Variants in DSCAM observed in about 807,000 individuals in gnomAD.
DSCAM encodes the protein cell adhesion molecule DSCAM.
DSCAM carries 47 observed loss-of-function variants against 217.7 expected under a neutral mutation model. The observed-to-expected ratio is 0.22, with a 90% CI of 0.17 to 0.28. The LOEUF (loss-of-function observed/expected upper bound fraction) is 0.28, where lower values mean the gene tolerates loss of function less well. Among genes scored for constraint, DSCAM ranks in the 10% least tolerant of loss-of-function variants. The pLI, the probability that DSCAM is intolerant of heterozygous loss-of-function variation, is 1.00. For synonymous variants in DSCAM, 1,056 were observed against 1,015.3 expected (o/e 1.04, Z -0.76); for missense variants, 2,080 against 2,618.3 (o/e 0.79, Z 4.49).
chr21:40,816,319 T>A (rs1420201717), intron 1 of DSCAM, among the ~76,000 whole-genome samples: 1 of 151,926 alleles, frequency 6.6e-6, no homozygotes, highest in Non-Finnish European at 1.5e-5. Context: ...TACCCCCAAA[T>A]AAAAAGAGGG....
chr21:40,247,198 G>A (rs191476513), intron 11 of DSCAM, among the ~76,000 whole-genome samples: 2 of 151,906 alleles, frequency 1.3e-5, no homozygotes, highest in Non-Finnish European at 2.9e-5. Flanking sequence ...GAGATTTGGT[G>A]GGGGGGCACA....
At chr21:40,134,172 C>T (rs2090183901) in intron 18 of DSCAM, among the ~76,000 whole-genome samples, 163 bp from the exon 19 acceptor site, 1 of 152,190 alleles carries the variant, frequency 6.6e-6, no homozygotes, top group Non-Finnish European at 1.5e-5. Context: ...ATCCTGTGAG[C>T]TCATGGTGTC....
intron 1 of DSCAM, among the ~76,000 whole-genome samples, chr21:40,722,354 T>C (rs1187535407): frequency 1.3e-5 from 2 of 152,022 alleles, no homozygotes; most frequent in Admixed American, 1.3e-4. Context: ...AACATATAGA[T>C]AAAATGAATA....
Position 40,419,769 on chromosome 21 carries a change from T to C in DSCAM, c.509-50524A>G, listed in dbSNP as rs544382798. 2.1e-3 allele frequency among the ~76,000 whole-genome samples: 319 copies of C among 152,332 alleles called. 1 individual carries two copies. Among genetic ancestry groups the C allele is most frequent in the African/African-American group, 7.3e-3 (304 of 41,582 alleles). ...AAACCTAAAATCAATTCTATCATTGTCAGCATCATCATCACCATGTATAAA... is the reference window on the plus strand; with the variant it reads ...AAACCTAAAATCAATTCTATCATTGCCAGCATCATCATCACCATGTATAAA... On this transcript the variant is annotated intron_variant, in intron 3 of 32. Coordinates refer to ENST00000400454, the MANE Select transcript of DSCAM (RefSeq NM_001389.5).
At position 40,633,613 on chromosome 21, in the gene DSCAM, C is replaced by T. The variant is rs567070978; in HGVS notation, c.508+59197G>A. Among the ~76,000 whole-genome samples, 135 of 152,320 alleles carry T rather than the reference C, an allele frequency of 8.9e-4. 1 individual carries two copies. The highest frequency in any genetic ancestry group is 1.6e-3 in the Non-Finnish European group (108 of 68,042). ...TCCACAGCCACGTACAGTACGTGCA[C>T]ATGGCGATTTTTCTATTTTGGCAAT... On this transcript the variant is annotated intron_variant, in intron 3 of 32. Coordinates refer to ENST00000400454, the MANE Select transcript of DSCAM (RefSeq NM_001389.5).
chr21:40,144,812 A>C lies in DSCAM; in HGVS notation c.3019-81T>G. 6.3e-7 allele frequency: 1 copy of C among 1,578,922 alleles called. No homozygotes were observed. ...AATCAACGCCCACACCCACGTAGGAAAGCAGAAATAAAGTGGAGTCATCGC... is the reference window on the plus strand; with the variant it reads ...AATCAACGCCCACACCCACGTAGGACAGCAGAAATAAAGTGGAGTCATCGC... On this transcript the variant is annotated intron_variant, in intron 16 of 32. Coordinates refer to ENST00000400454, the MANE Select transcript of DSCAM (RefSeq NM_001389.5). This position sits in a 1 kb window ranked among gnomAD's most constrained non-coding sequence, Gnocchi z 4.8.
At chr21:40,588,058 G>A (rs1188686301) in intron 3 of DSCAM, among the ~76,000 whole-genome samples, 1 of 152,148 alleles carries the variant, frequency 6.6e-6, no homozygotes, top group Non-Finnish European at 1.5e-5. Flanking sequence ...ATTGGTACAA[G>A]GAGAATCTAA....
At chr21:40,528,386 G>T (rs889865342) in intron 3 of DSCAM, among the ~76,000 whole-genome samples, 1 of 151,972 alleles carries the variant, frequency 6.6e-6, no homozygotes, top group Non-Finnish European at 1.5e-5. Flanking sequence ...GTAATTACTG[G>T]CCTGTTATTT....
At chr21:40,387,134 G>T (rs1009644123) in intron 3 of DSCAM, among the ~76,000 whole-genome samples, 5 of 152,266 alleles carry the variant, frequency 3.3e-5, no homozygotes, top group East Asian at 3.9e-4. Flanking sequence ...TGAACAGCAG[G>T]TTTCTCAGGT....
chr21:40,599,584 G>A (rs1488779143), intron 3 of DSCAM, among the ~76,000 whole-genome samples: 2 of 151,874 alleles, frequency 1.3e-5, no homozygotes, highest in African/African-American at 4.9e-5. Context: ...CCAAAAGCTA[G>A]CAGAAAACAA....
intron 5 of DSCAM, among the ~76,000 whole-genome samples, chr21:40,352,076 C>A (rs2074637118): frequency 1.3e-5 from 2 of 152,098 alleles, no homozygotes; most frequent in Non-Finnish European, 2.9e-5. Flanking sequence ...TGCAATCAGA[C>A]CTTGGTGATG....
chr21:40,439,628 G>A (rs1377276316), intron 3 of DSCAM, among the ~76,000 whole-genome samples: 1 of 152,110 alleles, frequency 6.6e-6, no homozygotes, highest in African/African-American at 2.4e-5. Flanking sequence ...CTTTTACAAT[G>A]CTGATAAAGA....
At chr21:40,837,292 C>T (rs906419423) in intron 1 of DSCAM, among the ~76,000 whole-genome samples, 10 of 152,118 alleles carry the variant, frequency 6.6e-5, no homozygotes, top group Admixed American at 2.0e-4. Flanking sequence ...AGCAATGGGG[C>T]GGTAGAGGTA....
At chr21:40,065,073 G>C (rs1458891741) in intron 27 of DSCAM, among the ~76,000 whole-genome samples, 1 of 152,128 alleles carries the variant, frequency 6.6e-6, no homozygotes, top group African/African-American at 2.4e-5. Flanking sequence ...TGTGAAGATA[G>C]AGGAAATCTG....
chr21:40,100,653 T>TA (rs2089738590), intron 20 of DSCAM, among the ~76,000 whole-genome samples: 3 of 148,850 alleles, frequency 2.0e-5, no homozygotes, highest in Middle Eastern at 6.8e-3. Context: ...TTTTTTTTTT[T>TA]AAAGAAACAA....
rs750715532 is a variant in DSCAM at position 40,013,321 on chromosome 21, T to G, written c.5752A>C (p.Thr1918Pro). Residue 1918 changes from threonine to proline, a missense_variant, in exon 33 of 33, where the codon ACC becomes CCC. By Grantham distance (38) the Thr-to-Pro change is conservative. This residue lies in a region of DSCAM where 145 missense variants were observed against 138.5 expected (regional missense o/e 1.05). Transcript: ENST00000400454. ...TGTCCTAAGCTCAGGTCCCTGCTGGTGCCTGGACCACCTCGGTTTAACAAA... is the reference window on the plus strand; with the variant it reads ...TGTCCTAAGCTCAGGTCCCTGCTGGGGCCTGGACCACCTCGGTTTAACAAA... ...DFLLNRGGPGTSRDLSLGQAC... is the reference protein window; with the variant it reads ...DFLLNRGGPGPSRDLSLGQAC... 1.9e-6 allele frequency: 3 copies of G among 1,610,060 alleles called. No individual in the cohort carries two copies. The highest frequency in any genetic ancestry group is 1.7e-6 in the Non-Finnish European group (2 of 1,178,376).
chr21:40,170,866 T>C (rs914803385), intron 15 of DSCAM, among the ~76,000 whole-genome samples: 4 of 152,188 alleles, frequency 2.6e-5, no homozygotes, highest in African/African-American at 7.2e-5. Context: ...CTGAATCCTC[T>C]GGGCTCCCTG....
intron 3 of DSCAM, among the ~76,000 whole-genome samples, chr21:40,674,667 TTG>T (rs2090316816): frequency 6.9e-6 from 1 of 145,590 alleles, no homozygotes; most frequent in Non-Finnish European, 1.5e-5. Context: ...GAGTCTCGCT[TTG>T]TCTCCCAGGC....
At chr21:40,457,481 C>A (rs1200045146) in intron 3 of DSCAM, among the ~76,000 whole-genome samples, 6 of 151,984 alleles carry the variant, frequency 3.9e-5, no homozygotes, top group Non-Finnish European at 7.4e-5. Flanking sequence ...CACGGCACCC[C>A]AGCCTGGGGG....
Sources: gnomAD v4.1 joint callset for allele counts (sites outside exome capture counted in the v4.1 genomes callset) on GRCh38, gnomAD v4.1.1 for gene constraint, gnomAD v4.1.1 regional missense constraint, Gnocchi (gnomAD v3.1) non-coding constraint, MANE v1.5 for transcripts, NCBI Gene and HGNC (gene_info 2026-07-23, HGNC 2026-07-21) for gene names.